The following TAFA4 variants were observed in gnomAD, a reference collection of about 807,000 sequenced individuals.
The protein encoded by TAFA4 is chemokine-like protein TAFA-4.
In TAFA4, 20 loss-of-function variants were observed where a neutral mutation model predicts 21.1. The ratio of observed to expected loss-of-function variants is 0.95; its 90% confidence interval spans 0.67 to 1.38. TAFA4 has a LOEUF of 1.38. Among genes scored for constraint, TAFA4 ranks in the 40% most tolerant of loss-of-function variants. TAFA4 has a pLI of 0.00. For missense variants in TAFA4, 211 were observed against 180.9 expected (o/e 1.17, Z -0.95); for synonymous variants, 71 against 67.4 (o/e 1.05, Z -0.26).
At chr3:68,908,178 C>T (rs923191779) in intron 1 of TAFA4, among the ~76,000 whole-genome samples, 1 of 152,182 alleles carries the variant, frequency 6.6e-6, no homozygotes, top group Non-Finnish European at 1.5e-5. Flanking sequence ...TCTAAAAGTA[C>T]TGATTAACCA....
chr3:68,770,003 G>A lies in TAFA4; in HGVS notation c.131-16985C>T, dbSNP rs564474306. On this transcript the variant is annotated intron_variant, in intron 3 of 5. Coordinates refer to ENST00000295569, the MANE Select transcript of TAFA4 (RefSeq NM_182522.5). ...TATCAATGGCCACAGAACTGCCAGA[G>A]GTACCTTACTATCATGAAACTCCAG... Among the ~76,000 whole-genome samples the A allele has an allele frequency of 4.6e-5, 7 of 152,202 alleles. No individual in the cohort carries two copies. The South Asian group carries it at 1.2e-3, about 27-fold the overall frequency.
intron 3 of TAFA4, among the ~76,000 whole-genome samples, chr3:68,813,500 C>A (rs1307844784): frequency 6.6e-6 from 1 of 152,188 alleles, no homozygotes; most frequent in Non-Finnish European, 1.5e-5. Flanking sequence ...ACCGATCCCA[C>A]AGAAATACAA....
chr3:68,769,825 A>G (rs1452741748), intron 3 of TAFA4, among the ~76,000 whole-genome samples: 1 of 152,228 alleles, frequency 6.6e-6, no homozygotes, highest in Non-Finnish European at 1.5e-5. Context: ...TGTAAGCTCT[A>G]TAAGGGCAGG....
At chr3:68,733,642 ACATC>A (rs1192115048) in intron 5 of TAFA4, among the ~76,000 whole-genome samples, 2 of 152,168 alleles carry the variant, frequency 1.3e-5, no homozygotes, top group African/African-American at 4.8e-5. Flanking sequence ...TATTTTTCAG[ACATC>A]CAGGCTCATT....
chr3:68,853,460 T>C (rs1338222463), intron 3 of TAFA4, among the ~76,000 whole-genome samples: 2 of 152,240 alleles, frequency 1.3e-5, no homozygotes, highest in Non-Finnish European at 2.9e-5. Flanking sequence ...TGGTAGAGAC[T>C]TGTTCTTAAA....
intron 3 of TAFA4, among the ~76,000 whole-genome samples, chr3:68,822,578 C>T (rs1704137086): frequency 6.6e-6 from 1 of 152,162 alleles, no homozygotes; most frequent in Non-Finnish European, 1.5e-5. Context: ...CTTAAGCGAT[C>T]CTTCCACCTC....
At chr3:68,884,935 A>C (rs183825957) in intron 2 of TAFA4, among the ~76,000 whole-genome samples, 1 of 152,360 alleles carries the variant, frequency 6.6e-6, no homozygotes, top group African/African-American at 2.4e-5. Flanking sequence ...CTTCAGCAAT[A>C]GATTTGTATT....
chr3:68,895,143 G>A (rs376674180), intron 1 of TAFA4, among the ~76,000 whole-genome samples: 1 of 151,998 alleles, frequency 6.6e-6, no homozygotes, highest in Middle Eastern at 3.2e-3. Flanking sequence ...GATTACAGGC[G>A]CCCGCCACCA....
At chr3:68,838,665 A>C (rs565921989) in intron 3 of TAFA4, among the ~76,000 whole-genome samples, 7 of 152,316 alleles carry the variant, frequency 4.6e-5, no homozygotes, top group African/African-American at 1.7e-4. Flanking sequence ...CCCCTTTGTT[A>C]ACCCTTTAAA....
At chr3:68,865,555 GC>G (rs2089405941) in intron 3 of TAFA4, among the ~76,000 whole-genome samples, 1 of 152,034 alleles carries the variant, frequency 6.6e-6, no homozygotes, top group African/African-American at 2.4e-5. Context: ...TTTGCCTTCT[GC>G]CATGATTGTG....
chr3:68,874,167 A>T (rs2089519999), intron 3 of TAFA4, among the ~76,000 whole-genome samples: 2 of 152,170 alleles, frequency 1.3e-5, no homozygotes, highest in African/African-American at 4.8e-5. Flanking sequence ...TATAGTTCTT[A>T]TCTGATTTCA....
rs549893918 is a variant in TAFA4 at position 68,797,887 on chromosome 3, G to A, written c.131-44869C>T. Among the ~76,000 whole-genome samples the A allele has an allele frequency of 5.9e-5, 9 of 152,232 alleles. No individual in the cohort carries two copies. The South Asian group carries it at 1.4e-3, about 25-fold the overall frequency. On this transcript the variant is annotated intron_variant, in intron 3 of 5. Coordinates refer to ENST00000295569, the MANE Select transcript of TAFA4 (RefSeq NM_182522.5). ...TCCATGGATGGATCCGTAGCACAGCGATGTGAGTATACATAATGCCACCGT... is the reference window on the plus strand; with the variant it reads ...TCCATGGATGGATCCGTAGCACAGCAATGTGAGTATACATAATGCCACCGT...
At chr3:68,755,169 A>G (rs1395874758) in intron 3 of TAFA4, among the ~76,000 whole-genome samples, 1 of 152,182 alleles carries the variant, frequency 6.6e-6, no homozygotes, top group Non-Finnish European at 1.5e-5. Flanking sequence ...CTCTATTTAT[A>G]TCTCCCATCA....
intron 3 of TAFA4, among the ~76,000 whole-genome samples, chr3:68,864,160 A>T (rs1472473074): frequency 2.0e-5 from 3 of 152,202 alleles, no homozygotes; most frequent in African/African-American, 7.2e-5. Context: ...GAGTGAAAAG[A>T]TAAGCCACAT....
At chr3:68,763,498 G>A (rs1037056458) in intron 3 of TAFA4, among the ~76,000 whole-genome samples, 5 of 151,886 alleles carry the variant, frequency 3.3e-5, no homozygotes, top group Non-Finnish European at 7.4e-5. Flanking sequence ...ATTATTGTTC[G>A]ATTCTAATAG....
chr3:68,885,195 T>C lies in TAFA4; in HGVS notation c.-7A>G, dbSNP rs755447126. ...CTTACCTTGGGGACCTCATAAGATGTGGTTCTAGTCAAACACACTTATTCC... is the reference window on the plus strand; with the variant it reads ...CTTACCTTGGGGACCTCATAAGATGCGGTTCTAGTCAAACACACTTATTCC... On this transcript the variant is annotated 5_prime_UTR_variant, in exon 2 of 6. Coordinates refer to ENST00000295569, the MANE Select transcript of TAFA4 (RefSeq NM_182522.5). The C allele has an allele frequency of 6.2e-7, 1 of 1,612,710 alleles. No homozygotes were observed. Among genetic ancestry groups the C allele is most frequent in the South Asian group, 1.1e-5 (1 of 90,866 alleles).
At chr3:68,846,645 T>C (rs1384403767) in intron 3 of TAFA4, among the ~76,000 whole-genome samples, 3 of 152,222 alleles carry the variant, frequency 2.0e-5, no homozygotes, top group African/African-American at 7.2e-5. Flanking sequence ...TTTTTCCTCA[T>C]CTTCGTGGAT....
chr3:68,892,427 G>C (rs1249695596), intron 1 of TAFA4, among the ~76,000 whole-genome samples: 2 of 152,182 alleles, frequency 1.3e-5, no homozygotes, highest in Non-Finnish European at 2.9e-5. Context: ...TGTTTTAGCA[G>C]AGTGAGAAGG....
intron 1 of TAFA4, among the ~76,000 whole-genome samples, chr3:68,915,175 C>T (rs1261567380): frequency 6.6e-6 from 1 of 152,156 alleles, no homozygotes. Flanking sequence ...TTCTCAAATA[C>T]CCACCATGAT....
Sources: allele counts gnomAD v4.1 joint callset (sites outside exome capture counted in the v4.1 genomes callset), GRCh38; gene constraint gnomAD v4.1.1; transcripts MANE v1.5; gene names NCBI Gene and HGNC (gene_info 2026-07-23, HGNC 2026-07-21).